The following WASF1 variants were observed in gnomAD, a reference collection of about 807,000 sequenced individuals.
The protein encoded by WASF1 is WASP family member 1, also known as actin-binding protein WASF1.
WASF1 carries 7 observed loss-of-function variants against 50.5 expected under a neutral mutation model. The observed-to-expected ratio is 0.14, with a 90% CI of 0.08 to 0.26. WASF1 has a LOEUF of 0.26. Ranked by LOEUF, WASF1 falls within the 10% of genes least tolerant of loss-of-function variation. The pLI is 1.00. For missense variants in WASF1, 470 were observed against 694.7 expected, an observed-to-expected ratio of 0.68 and a Z score of 3.64; for synonymous variants, 205 against 244.0, an observed-to-expected ratio of 0.84 and a Z score of 1.49.
At chr6:110,175,368 C>A (rs1463036037) in intron 2 of WASF1, among the ~76,000 whole-genome samples, 1 of 152,086 alleles carries the variant, frequency 6.6e-6, no homozygotes, top group Non-Finnish European at 1.5e-5. Flanking sequence ...AAAAACCCAT[C>A]ACAAAAATAA....
chr6:110,152,572 A>G (rs1299342440), intron 3 of WASF1, among the ~76,000 whole-genome samples: 1 of 152,144 alleles, frequency 6.6e-6, no homozygotes, highest in Non-Finnish European at 1.5e-5. Context: ...AGATTGTACA[A>G]CTACCAGGAA....
chr6:110,159,460 A>T (rs901746613), intron 3 of WASF1, among the ~76,000 whole-genome samples: 7 of 151,142 alleles, frequency 4.6e-5, no homozygotes, highest in African/African-American at 1.7e-4. Flanking sequence ...GTGACATTAC[A>T]ATATTTTTTC....
At chr6:110,109,544 T>C (rs532212839) in intron 5 of WASF1, among the ~76,000 whole-genome samples, 2 of 150,152 alleles carry the variant, frequency 1.3e-5, no homozygotes, top group East Asian at 3.9e-4. Context: ...ATAACAATCC[T>C]AACAATTCTT....
intron 6 of WASF1, 45 bp from the exon 7 acceptor site, chr6:110,107,239 G>A: frequency 4.0e-6 from 5 of 1,251,278 alleles, no homozygotes; most frequent in Non-Finnish European, 5.6e-6. Flanking sequence ...GTAAGACTTA[G>A]GCAATCAGAA....
chr6:110,109,063 A>G (rs985275297), intron 5 of WASF1, among the ~76,000 whole-genome samples: 1 of 151,948 alleles, frequency 6.6e-6, no homozygotes, highest in Non-Finnish European at 1.5e-5. Flanking sequence ...TCCTTTTTTT[A>G]GCTTACACCA....
rs551835886 is a variant in WASF1, at chr6:110,143,911, C to T, written c.-28-16282G>A. Among the ~76,000 whole-genome samples the T allele has an allele frequency of 2.8e-4, 42 of 152,158 alleles. No homozygotes were observed. The South Asian group carries it at 7.9e-3, about 29-fold the overall frequency. ...AAGTCTTTGCTATTGTGAATAGTGC[C>T]GCGATAAACATACGTGTGCATGTGT... On this transcript the variant is annotated intron_variant, in intron 3 of 10. Transcript: ENST00000392589.
intron 3 of WASF1, among the ~76,000 whole-genome samples, chr6:110,144,402 A>C (rs1397832594): frequency 1.3e-5 from 2 of 150,560 alleles, no homozygotes; most frequent in Admixed American, 6.6e-5. Flanking sequence ...ATTTTCTCCC[A>C]CTCTGTAGTT....
intron 4 of WASF1, among the ~76,000 whole-genome samples, chr6:110,118,518 A>G (rs1256403558): frequency 6.6e-6 from 1 of 152,180 alleles, no homozygotes; most frequent in Non-Finnish European, 1.5e-5. Context: ...TATGCACCCA[A>G]TACAGGAACA....
intron 3 of WASF1, among the ~76,000 whole-genome samples, chr6:110,145,914 T>C (rs906963028): frequency 2.2e-5 from 3 of 138,702 alleles, no homozygotes; most frequent in African/African-American, 8.2e-5. Flanking sequence ...TTCTCACTCA[T>C]AGGTGGGAAT....
At chr6:110,177,662 C>T (rs1049692651) in intron 2 of WASF1, among the ~76,000 whole-genome samples, 17 of 152,010 alleles carry the variant, frequency 1.1e-4, no homozygotes, top group African/African-American at 4.1e-4. Context: ...AGGTCATTTC[C>T]TAACCAAGCA....
chr6:110,110,321 C>T (rs929719432), intron 5 of WASF1, among the ~76,000 whole-genome samples: 6 of 152,170 alleles, frequency 3.9e-5, no homozygotes, highest in African/African-American at 1.4e-4. Flanking sequence ...ACCTTTGAGG[C>T]TAATCTTTTT....
intron 3 of WASF1, among the ~76,000 whole-genome samples, chr6:110,128,291 T>C (rs1336712726): frequency 6.6e-6 from 1 of 152,232 alleles, no homozygotes; most frequent in African/African-American, 2.4e-5. Flanking sequence ...ATTATCACCA[T>C]TATTCTCCTA....
At chr6:110,127,727 A>G in intron 3 of WASF1, 98 bp from the exon 4 acceptor site, 3 of 1,146,894 alleles carry the variant, frequency 2.6e-6, no homozygotes, top group Non-Finnish European at 2.3e-6. Flanking sequence ...TTGACCCTTG[A>G]ACAACATGGA....
At chr6:110,145,989 G>A (rs995876855) in intron 3 of WASF1, among the ~76,000 whole-genome samples, 4 of 131,226 alleles carry the variant, frequency 3.0e-5, no homozygotes, top group African/African-American at 1.1e-4. Context: ...TTGTGGGGTG[G>A]GGGGAGGGGG....
intron 4 of WASF1, among the ~76,000 whole-genome samples, chr6:110,121,780 A>G (rs1310424494): frequency 6.6e-6 from 1 of 152,270 alleles, no homozygotes; most frequent in Non-Finnish European, 1.5e-5. Context: ...ACTTGGAACC[A>G]ACCCAAATGT....
At chr6:110,172,793 T>C (rs1776772748) in intron 2 of WASF1, among the ~76,000 whole-genome samples, 2 of 152,028 alleles carry the variant, frequency 1.3e-5, no homozygotes, top group Admixed American at 1.3e-4. Context: ...AGTGGAAGGA[T>C]AGATGGTGGG....
intron 4 of WASF1, among the ~76,000 whole-genome samples, chr6:110,119,599 T>C (rs1362725011): frequency 6.6e-6 from 1 of 152,190 alleles, no homozygotes; most frequent in Non-Finnish European, 1.5e-5. Context: ...ACAGCCAAAG[T>C]CTACCAGAGG....
chr6:110,130,611 C>G (rs781279173), intron 3 of WASF1, among the ~76,000 whole-genome samples: 8 of 152,040 alleles, frequency 5.3e-5, no homozygotes, highest in Non-Finnish European at 7.4e-5. Flanking sequence ...ATTTATTTAC[C>G]CATTCTAATG....
intron 3 of WASF1, among the ~76,000 whole-genome samples, chr6:110,133,900 T>C (rs1001242941): frequency 6.6e-6 from 1 of 152,154 alleles, no homozygotes; most frequent in Non-Finnish European, 1.5e-5. Context: ...TTTTGTTGCA[T>C]TTGTTTTTGG....
Sources: gnomAD v4.1 joint callset for allele counts (sites outside exome capture counted in the v4.1 genomes callset) on GRCh38, gnomAD v4.1.1 for gene constraint, MANE v1.5 for transcripts, NCBI Gene and HGNC (gene_info 2026-07-23, HGNC 2026-07-21) for gene names.